Variants in SLC6A15 observed in about 807,000 individuals in gnomAD.
The protein encoded by SLC6A15 is solute carrier family 6 member 15.
A neutral mutation model predicts 68.5 loss-of-function variants in SLC6A15; 33 were observed. The ratio of observed to expected loss-of-function variants is 0.48; its 90% CI spans 0.37 to 0.64. The LOEUF is 0.64. Among genes scored for constraint, SLC6A15 ranks in the 30% least tolerant of loss-of-function variants. SLC6A15 has a pLI of 0.00. For missense variants in SLC6A15, 747 were observed against 874.3 expected, an observed-to-expected ratio of 0.85 and a Z score of 1.84; for synonymous variants, 347 against 301.0, an observed-to-expected ratio of 1.15 and a Z score of -1.58.
intron 1 of SLC6A15, among the ~76,000 whole-genome samples, chr12:84,899,085 A>G (rs896897184): frequency 6.6e-6 from 1 of 152,154 alleles, no homozygotes; most frequent in African/African-American, 2.4e-5. Flanking sequence ...TAATCTCTCC[A>G]AAATACTAGC....
chr12:84,885,106 C>T (rs2120642029), intron 4 of SLC6A15, among the ~76,000 whole-genome samples: 1 of 151,754 alleles, frequency 6.6e-6, no homozygotes, highest in South Asian at 2.1e-4. Flanking sequence ...TATTTCTGTC[C>T]CCTTTCTGTT....
intron 1 of SLC6A15, among the ~76,000 whole-genome samples, chr12:84,893,375 T>A (rs1872508480): frequency 6.6e-6 from 1 of 152,136 alleles, no homozygotes; most frequent in African/African-American, 2.4e-5. Flanking sequence ...GTGATCAGTC[T>A]CTTAACAGCT....
At chr12:84,882,409 T>G (rs1391651912) in intron 5 of SLC6A15, 2 of 970,020 alleles carry the variant, frequency 2.1e-6, no homozygotes, top group East Asian at 2.3e-4. Context: ...TGTTAACAAG[T>G]ATATTCACAA....
chr12:84,902,597 A>G (rs544948225), intron 1 of SLC6A15, among the ~76,000 whole-genome samples: 1 of 152,232 alleles, frequency 6.6e-6, no homozygotes, highest in African/African-American at 2.4e-5. Context: ...GAAACTATCC[A>G]GTATGCGTTT....
chr12:84,863,300 G>T (rs1013168341), intron 11 of SLC6A15, 139 bp downstream of exon 11: 2 of 596,408 alleles, frequency 3.4e-6, no homozygotes, highest in Non-Finnish European at 5.7e-6. Context: ...GAGCACAAAC[G>T]TAAATCTCAT....
chr12:84,905,194 A>ATATTC (rs1873083279), intron 1 of SLC6A15, among the ~76,000 whole-genome samples: 1 of 152,200 alleles, frequency 6.6e-6, no homozygotes, highest in Non-Finnish European at 1.5e-5. Context: ...GAATTCAGTG[A>ATATTC]TGTATAAAAA....
intron 5 of SLC6A15, chr12:84,881,476 C>T (rs1354712292): frequency 1.0e-6 from 1 of 985,210 alleles, no homozygotes; most frequent in Non-Finnish European, 1.2e-6. Flanking sequence ...AAGGAAAATA[C>T]AAGATTTCAG....
intron 3 of SLC6A15, 38 bp from the exon 4 acceptor site, chr12:84,885,599 C>G (rs373918902): frequency 1.3e-6 from 2 of 1,570,872 alleles, no homozygotes; most frequent in Non-Finnish European, 1.7e-6. Context: ...ACCTCTCATA[C>G]CTCTTCCATT....
In SLC6A15 at chr12:84,885,497, T is replaced by A. The variant is rs1254800156; in HGVS notation, c.512A>T (p.Gln171Leu). The A allele has an allele frequency of 1.9e-6, 3 of 1,613,512 alleles. No individual in the cohort carries two copies. Among genetic ancestry groups the A allele is most frequent in the Non-Finnish European group, 2.5e-6 (3 of 1,179,740 alleles). ...CCAAGGCAGGGGTTGCTGAAAAGAC[T>A]GAGAAAAATAAAACAAACTCCAGCC... ...IIGWSLFYFS[Q>L]SFQQPLPWDQ... Residue 171 changes from glutamine (Q) to leucine (L), a missense_variant, in exon 4 of 12, where the codon CAG (glutamine) becomes CTG (leucine). Coordinates refer to ENST00000266682, the MANE Select transcript of SLC6A15 (RefSeq NM_182767.6).
chr12:84,909,218 G>A (rs1873323173), intron 1 of SLC6A15, among the ~76,000 whole-genome samples: 1 of 152,014 alleles, frequency 6.6e-6, no homozygotes, highest in Non-Finnish European at 1.5e-5. Flanking sequence ...CAATCTGATA[G>A]GTGAAAAAGT....
intron 1 of SLC6A15, among the ~76,000 whole-genome samples, chr12:84,904,488 A>G (rs1873047603): frequency 6.6e-6 from 1 of 152,182 alleles, no homozygotes; most frequent in Non-Finnish European, 1.5e-5. Flanking sequence ...TATGGATAAG[A>G]TTACTTATGT....
intron 5 of SLC6A15, among the ~76,000 whole-genome samples, chr12:84,880,323 A>T (rs1255140525): frequency 6.6e-6 from 1 of 152,226 alleles, no homozygotes; most frequent in Non-Finnish European, 1.5e-5. Context: ...ATTCACTCAT[A>T]TGGCTCTAAT....
intron 4 of SLC6A15, among the ~76,000 whole-genome samples, chr12:84,885,216 G>A (rs1872034851): frequency 6.6e-6 from 1 of 151,966 alleles, no homozygotes; most frequent in African/African-American, 2.4e-5. Context: ...AATATCTTAG[G>A]GCATAGTAAA....
Position 84,876,546 on chromosome 12 carries a change from A to G in SLC6A15, c.818T>C (p.Phe273Ser), listed in dbSNP as rs1326914414. 16 of 1,601,720 alleles carry G rather than the reference A, an allele frequency of 1.0e-5. No individual in the cohort carries two copies. The highest frequency in any genetic ancestry group is 1.4e-5 in the Non-Finnish European group (16 of 1,174,542). ...GCCATCAATTGAACCATTTAAAAGG[A>G]ATGCTCTGATGAGGAAGCAAATAAG... The part of the protein sequence containing the change: ...VVLICFLIRA[F>S]LLNGSIDGIR... Residue 273 changes from phenylalanine (F) to serine (S), a missense_variant, in exon 6 of 12, where the codon TTC becomes TCC. Phe to Ser is a radical substitution (Grantham distance 155, BLOSUM62 -2). Transcript: ENST00000266682.
intron 1 of SLC6A15, among the ~76,000 whole-genome samples, chr12:84,894,371 G>C (rs1354906193): frequency 6.6e-6 from 1 of 152,114 alleles, no homozygotes; most frequent in Non-Finnish European, 1.5e-5. Context: ...ATTTGGAGTT[G>C]TGTCCTAGCA....
chr12:84,912,445 T>G (rs530809515), intron 1 of SLC6A15, 78 bp downstream of exon 1: 1 of 152,856 alleles, frequency 6.5e-6, no homozygotes, highest in East Asian at 1.9e-4. Context: ...CCGGTGCTGG[T>G]GCCCAGGCTC....
chr12:84,884,329 C>T (rs952990705), intron 4 of SLC6A15, among the ~76,000 whole-genome samples: 3 of 151,084 alleles, frequency 2.0e-5, no homozygotes, highest in Non-Finnish European at 2.9e-5. Flanking sequence ...TTTTTGAGAC[C>T]GAGTTTTGCT....
Position 84,860,421 on chromosome 12 carries a change from G to A in SLC6A15, c.*1211C>T, listed in dbSNP as rs977933773. On this transcript the variant is annotated 3_prime_UTR_variant, in exon 12 of 12. Transcript: ENST00000266682. ...AGTCAATTGTACACATGGTTTCTTG[G>A]GAGGCTGTAAGTACTTTTTCAAGAA... The A allele has an allele frequency of 2.0e-5, 3 of 152,002 alleles. No homozygotes were observed. Among genetic ancestry groups the A allele is most frequent in the Non-Finnish European group, 4.4e-5 (3 of 67,948 alleles). 9.4% of individuals were successfully genotyped at this position (152,002 alleles called of 1,614,324 possible). A position where few individuals can be genotyped will look rare whatever the true frequency, so the allele number is the denominator to read the frequency against.
intron 6 of SLC6A15, among the ~76,000 whole-genome samples, chr12:84,875,661 T>TG (rs1871487941): frequency 0.018 from 2 of 110 alleles, no homozygotes. Flanking sequence ...TATATATATA[T>TG]ATATATATAT....
Sources: gnomAD v4.1 joint callset for allele counts (sites outside exome capture counted in the v4.1 genomes callset) on GRCh38, gnomAD v4.1.1 for gene constraint, MANE v1.5 for transcripts, NCBI Gene and HGNC (gene_info 2026-07-23, HGNC 2026-07-21) for gene names.